RNF130: variants seen among roughly 807,000 people sequenced by gnomAD.
RNF130 encodes E3 ubiquitin-protein ligase RNF130.
In RNF130, 21 loss-of-function variants were observed where a neutral mutation model predicts 44.6. That is an observed-to-expected ratio of 0.47 (90% confidence interval 0.33 to 0.68). The LOEUF (loss-of-function observed/expected upper bound fraction) is 0.68. RNF130 is among the 30% of genes least tolerant of loss of function. RNF130 has a pLI of 0.02. For synonymous variants in RNF130, 214 were observed against 210.4 expected (o/e 1.02, Z -0.15); for missense variants, 479 against 560.6 (o/e 0.85, Z 1.47).
At chr5:179,944,829 C>T (rs1292133324) in intron 7 of RNF130, among the ~76,000 whole-genome samples, 1 of 152,122 alleles carries the variant, frequency 6.6e-6, no homozygotes, top group Admixed American at 6.5e-5. Flanking sequence ...GGGCTCCTAC[C>T]CCTGCTAGTC....
rs1039576739 is a variant in RNF130, at chr5:180,071,739, C to G, written c.-37G>C. On this transcript the variant is annotated 5_prime_UTR_variant, in exon 1 of 9. Transcript: ENST00000521389. ...CAGCCGCCGCTGCTCGCGGACCGGG[C>G]TCCGGGGCCGGCGCCTAGAGGCGGG... The G allele has an allele frequency of 4.3e-6, 5 of 1,173,842 alleles. No homozygotes were observed. The highest frequency in any genetic ancestry group is 4.2e-6 in the Non-Finnish European group (4 of 952,606). The allele number at this position is 1,173,842 out of a possible 1,614,324, so 72.7% of individuals were successfully genotyped here. A position where few individuals can be genotyped will look rare whatever the true frequency, so the allele number is the denominator to read the frequency against.
At chr5:179,915,110 T>G (rs1349536742) in exon 8 of RNF130, 1 of 151,484 alleles carries the variant, frequency 6.6e-6, no homozygotes, top group Non-Finnish European at 1.5e-5. Context: ...GGTGGATCAT[T>G]TGAGGTCAGG....
At chr5:180,067,089 G>A (rs1765125741) in intron 1 of RNF130, among the ~76,000 whole-genome samples, 1 of 152,072 alleles carries the variant, frequency 6.6e-6, no homozygotes, top group Non-Finnish European at 1.5e-5. Context: ...AAGGCGGGAG[G>A]GATCTCAGAA....
intron 1 of RNF130, among the ~76,000 whole-genome samples, chr5:180,058,180 G>C (rs893459567): frequency 6.6e-6 from 1 of 152,142 alleles, no homozygotes; most frequent in Non-Finnish European, 1.5e-5. Context: ...GACTGGAAGG[G>C]ACCTGAGGTG....
chr5:179,967,083 T>C, intron 6 of RNF130, 73 bp from the exon 7 acceptor site: 2 of 1,427,678 alleles, frequency 1.4e-6, no homozygotes, highest in African/African-American at 2.8e-5. Flanking sequence ...AAAAAGATTC[T>C]AAACTTTGAC....
Position 179,939,730 on chromosome 5 carries a change from C to T in RNF130, c.1151-19304G>A, listed in dbSNP as rs1322616582. 4 of 450,838 alleles carry T rather than the reference C, an allele frequency of 8.9e-6. No individual in the cohort carries two copies. The East Asian group carries it at 2.0e-4, about 23-fold the overall frequency. 27.9% of individuals were successfully genotyped at this position (450,838 alleles called of 1,614,324 possible). ...AATCCACTTCCAAAAGACGGAAATC[C>T]ACTGAAAGCGGAGAAAAACGACCCC... On this transcript the variant is annotated intron_variant, in intron 7 of 7. Transcript: ENST00000522208.
chr5:179,961,444 T>G (rs2113698509), intron 8 of RNF130, among the ~76,000 whole-genome samples: 1 of 152,294 alleles, frequency 6.6e-6, no homozygotes, highest in Middle Eastern at 3.4e-3. Flanking sequence ...ATGCAGGTAT[T>G]TAGGCATGGA....
chr5:180,044,491 T>C (rs72815707), intron 1 of RNF130, among the ~76,000 whole-genome samples: 61 of 152,274 alleles, frequency 4.0e-4, no homozygotes, highest in Non-Finnish European at 7.4e-4. Context: ...ACACGCTAAG[T>C]ACCAAAGAGA....
intron 1 of RNF130, among the ~76,000 whole-genome samples, chr5:180,048,517 A>G (rs904663479): frequency 6.6e-6 from 1 of 152,132 alleles, no homozygotes; most frequent in Non-Finnish European, 1.5e-5. Flanking sequence ...TCATGCCTGT[A>G]ATCCCAGCAC....
intron 7 of RNF130, among the ~76,000 whole-genome samples, chr5:179,964,731 G>A (rs567132873): frequency 2.8e-4 from 43 of 152,304 alleles, no homozygotes; most frequent in Non-Finnish European, 5.6e-4. Flanking sequence ...TGCTCCTGGG[G>A]ACTTCCGGTC....
intron 5 of RNF130, among the ~76,000 whole-genome samples, chr5:179,972,379 G>C (rs910861310): frequency 6.6e-6 from 1 of 152,236 alleles, no homozygotes; most frequent in Non-Finnish European, 1.5e-5. Flanking sequence ...GTTAGCGCTA[G>C]GGTGGGGTGG....
chr5:179,929,375 T>C (rs1175534885), intron 7 of RNF130, among the ~76,000 whole-genome samples: 5 of 152,246 alleles, frequency 3.3e-5, no homozygotes, highest in African/African-American at 9.6e-5. Context: ...AAAGTCTTGA[T>C]TTCCAGTATC....
rs1763217150 is a variant in RNF130, at chr5:179,997,098, C to G, written c.693+15963G>C. ...GGTTGTCAATTTTATTTTTTCAAAT[C>G]TTTTTATTTCACTGATCATTTGTAT... On this transcript the variant is annotated intron_variant, in intron 3 of 8. Transcript: ENST00000521389. 2.6e-5 allele frequency among the ~76,000 whole-genome samples: 4 copies of G among 151,980 alleles called. No homozygotes were observed. In the South Asian group the frequency reaches 8.3e-4, roughly 31 times the overall value.
intron 1 of RNF130, among the ~76,000 whole-genome samples, chr5:180,042,320 T>C (rs1303505899): frequency 6.6e-6 from 1 of 152,208 alleles, no homozygotes; most frequent in African/African-American, 2.4e-5. Flanking sequence ...TCCTAATACA[T>C]GAAATGGAAG....
At chr5:179,974,342 C>A (rs191723181) in intron 5 of RNF130, among the ~76,000 whole-genome samples, 1 of 152,200 alleles carries the variant, frequency 6.6e-6, no homozygotes, top group African/African-American at 2.4e-5. Context: ...CGATGGCCGA[C>A]CTTTAAGAGG....
chr5:179,980,935 T>C (rs1241831073), intron 3 of RNF130, among the ~76,000 whole-genome samples: 2 of 151,842 alleles, frequency 1.3e-5, no homozygotes, highest in Non-Finnish European at 2.9e-5. Context: ...GCTGCGTTAA[T>C]GGTGTATACT....
At chr5:180,034,070 G>A (rs1386047556) in intron 2 of RNF130, among the ~76,000 whole-genome samples, 2 of 150,768 alleles carry the variant, frequency 1.3e-5, no homozygotes, top group Non-Finnish European at 3.0e-5. Flanking sequence ...TCAGGCTGAG[G>A]ATATTTCCTA....
At chr5:180,001,025 GACAAAGATTTTCGCCT>G (rs1763321438) in intron 3 of RNF130, among the ~76,000 whole-genome samples, 1 of 152,158 alleles carries the variant, frequency 6.6e-6, no homozygotes, top group Non-Finnish European at 1.5e-5. Flanking sequence ...GGCTCTCCTG[GACAAAGATTTTCGCCT>G]ACAGTTTAAT....
chr5:180,065,137 A>T (rs1765072049), intron 1 of RNF130, among the ~76,000 whole-genome samples: 1 of 100,810 alleles, frequency 9.9e-6, no homozygotes, highest in Non-Finnish European at 2.4e-5. Context: ...AATGAATTTA[A>T]AAAAAAAAAA....
Sources: gnomAD v4.1 joint callset for allele counts (sites outside exome capture counted in the v4.1 genomes callset) on GRCh38, gnomAD v4.1.1 for gene constraint, MANE v1.5 for transcripts, NCBI Gene and HGNC (gene_info 2026-07-23, HGNC 2026-07-21) for gene names.